Variants in PPP2R2A observed in about 807,000 individuals in gnomAD.
The protein encoded by PPP2R2A is protein phosphatase 2 regulatory subunit Balpha, also known as serine/threonine-protein phosphatase 2A 55 kDa regulatory subunit B alpha isoform.
Under a neutral mutation model 53.2 loss-of-function variants are expected in PPP2R2A, and 9 were observed. The ratio of observed to expected loss-of-function variants is 0.17; its 90% CI spans 0.10 to 0.30. PPP2R2A has a LOEUF of 0.30. PPP2R2A is among the 10% of genes least tolerant of loss of function. The probability of loss-of-function intolerance (pLI) is 1.00; values close to 1 mark genes in which losing one functional copy is unlikely to be tolerated. For missense variants in PPP2R2A, 235 were observed against 534.6 expected, an observed-to-expected ratio of 0.44 and a Z score of 5.53; for synonymous variants, 169 against 174.2, an observed-to-expected ratio of 0.97 and a Z score of 0.23.
chr8:26,342,721 G>T (rs954861872), intron 3 of PPP2R2A, among the ~76,000 whole-genome samples: 3 of 152,050 alleles, frequency 2.0e-5, no homozygotes, highest in Non-Finnish European at 2.9e-5. Context: ...TAACTTTCTT[G>T]GATTTCATAC....
intron 1 of PPP2R2A, chr8:26,292,184 TTTA>T (rs1485853116): frequency 2.6e-6 from 3 of 1,144,630 alleles, no homozygotes; most frequent in South Asian, 6.7e-5. Context: ...GCCCCCCGCC[TTTA>T]TTTTTTTTTC....
chr8:26,299,934 G>A (rs1801706349), intron 2 of PPP2R2A, among the ~76,000 whole-genome samples: 1 of 152,142 alleles, frequency 6.6e-6, no homozygotes, highest in African/African-American at 2.4e-5. Flanking sequence ...TCCTTACCTT[G>A]TATGACATGT....
intron 2 of PPP2R2A, among the ~76,000 whole-genome samples, chr8:26,322,892 C>G (rs60255975): frequency 0.13 from 19,560 of 152,156 alleles, 1,396 homozygotes; most frequent in African/African-American, 0.19. Context: ...TCCATTGAAA[C>G]CACTTTTGCT....
chr8:26,351,995 G>A (rs1310621730), intron 3 of PPP2R2A, among the ~76,000 whole-genome samples: 1 of 152,138 alleles, frequency 6.6e-6, no homozygotes, highest in Non-Finnish European at 1.5e-5. Flanking sequence ...TACTGTTATA[G>A]GTGCTGGGGA....
rs758818700 is a variant in PPP2R2A, at chr8:26,293,827, T to TA, written c.82+88dup. ...AGGATTTCCTTGAAGCCGAGACTGC[T>TA]ATAAATTCAAGATGATTTTGTTGTC... On this transcript the variant is annotated intron_variant, in intron 2 of 9. Transcript: ENST00000380737. 3.3e-6 allele frequency: 4 copies of TA among 1,194,270 alleles called. No individual in the cohort carries two copies. The East Asian group carries it at 9.8e-5, about 29-fold the overall frequency. The allele number at this position is 1,194,270 out of a possible 1,614,324, so 74.0% of individuals were successfully genotyped here. A position where few individuals can be genotyped will look rare whatever the true frequency, so the allele number is the denominator to read the frequency against.
At chr8:26,295,696 A>G (rs1218335703) in intron 2 of PPP2R2A, among the ~76,000 whole-genome samples, 2 of 152,226 alleles carry the variant, frequency 1.3e-5, no homozygotes, top group Admixed American at 6.5e-5. Flanking sequence ...TGGTATATAC[A>G]TTTTAGTAAG....
chr8:26,367,441 CGA>C (rs990332875), intron 9 of PPP2R2A, among the ~76,000 whole-genome samples: 8 of 152,072 alleles, frequency 5.3e-5, no homozygotes, highest in East Asian at 1.9e-4. Context: ...CAGAAAAAAA[CGA>C]TTTGTTTTCC....
intron 2 of PPP2R2A, among the ~76,000 whole-genome samples, chr8:26,329,087 G>T (rs1488770226): frequency 6.6e-6 from 1 of 151,966 alleles, no homozygotes; most frequent in Non-Finnish European, 1.5e-5. Context: ...TACATATTTA[G>T]ATTCCTATAA....
At chr8:26,320,253 C>T (rs958377156) in intron 2 of PPP2R2A, among the ~76,000 whole-genome samples, 4 of 152,086 alleles carry the variant, frequency 2.6e-5, no homozygotes, top group African/African-American at 7.2e-5. Flanking sequence ...CAGCAGAAGA[C>T]GAAAAAGCAG....
chr8:26,330,083 AT>A (rs1803290506), intron 2 of PPP2R2A, among the ~76,000 whole-genome samples: 1 of 152,148 alleles, frequency 6.6e-6, no homozygotes, highest in Non-Finnish European at 1.5e-5. Flanking sequence ...ACTTGATGTT[AT>A]CCCACAGGTC....
At chr8:26,352,615 T>C (rs1804576510) in intron 3 of PPP2R2A, among the ~76,000 whole-genome samples, 2 of 152,252 alleles carry the variant, frequency 1.3e-5, no homozygotes, top group Non-Finnish European at 2.9e-5. Flanking sequence ...CATTAATTTA[T>C]TTCCTGTTGC....
intron 2 of PPP2R2A, among the ~76,000 whole-genome samples, chr8:26,334,512 G>T (rs923012976): frequency 6.6e-6 from 1 of 152,124 alleles, no homozygotes; most frequent in African/African-American, 2.4e-5. Flanking sequence ...TTGGGAGGCC[G>T]AGGTAGGCGG....
At chr8:26,305,503 A>G (rs761391319) in intron 2 of PPP2R2A, among the ~76,000 whole-genome samples, 9 of 152,132 alleles carry the variant, frequency 5.9e-5, no homozygotes, top group Non-Finnish European at 1.0e-4. Flanking sequence ...TGTTTGATTG[A>G]GTCTACATCT....
chr8:26,322,416 G>A (rs1029171270), intron 2 of PPP2R2A, among the ~76,000 whole-genome samples: 17 of 152,168 alleles, frequency 1.1e-4, no homozygotes, highest in Non-Finnish European at 1.6e-4. Flanking sequence ...CATTTCTATC[G>A]TAGGAAGTTT....
At chr8:26,292,894 T>TA (rs1801370286) in intron 1 of PPP2R2A, among the ~76,000 whole-genome samples, 1 of 152,254 alleles carries the variant, frequency 6.6e-6, no homozygotes, top group Admixed American at 6.5e-5. Flanking sequence ...ATTATTTAGA[T>TA]AATTAAACCT....
intron 6 of PPP2R2A, among the ~76,000 whole-genome samples, chr8:26,361,772 C>T (rs1805096104): frequency 6.6e-6 from 1 of 151,922 alleles, no homozygotes; most frequent in Non-Finnish European, 1.5e-5. Flanking sequence ...CCAGCCTGGC[C>T]AACATAGTGA....
At chr8:26,361,290 G>GT in intron 6 of PPP2R2A, 139 bp downstream of exon 6, 1 of 689,020 alleles carries the variant, frequency 1.5e-6, no homozygotes. Context: ...TTTTTTCTTT[G>GT]TAGATGAGTA....
At chr8:26,336,505 T>C (rs1803668597) in intron 2 of PPP2R2A, among the ~76,000 whole-genome samples, 1 of 152,096 alleles carries the variant, frequency 6.6e-6, no homozygotes, top group South Asian at 2.1e-4. Context: ...TTTACTGTAA[T>C]GCTGTCCTTA....
chr8:26,303,105 G>A (rs1469380859), intron 2 of PPP2R2A, among the ~76,000 whole-genome samples: 1 of 152,154 alleles, frequency 6.6e-6, no homozygotes, highest in African/African-American at 2.4e-5. Flanking sequence ...GCCTACGAAA[G>A]TAGTTTCTGT....
Sources: gnomAD v4.1 joint callset for allele counts (sites outside exome capture counted in the v4.1 genomes callset) on GRCh38, gnomAD v4.1.1 for gene constraint, MANE v1.5 for transcripts, NCBI Gene and HGNC (gene_info 2026-07-23, HGNC 2026-07-21) for gene names.